The following COLQ variants were observed in gnomAD, a reference collection of about 807,000 sequenced individuals.
COLQ encodes collagen like tail subunit of asymmetric acetylcholinesterase, also known as acetylcholinesterase collagenic tail peptide.
Under a neutral mutation model 69.0 loss-of-function variants are expected in COLQ, and 48 were observed. The observed-to-expected ratio is 0.70, with a 90% CI of 0.55 to 0.88. The LOEUF (loss-of-function observed/expected upper bound fraction) is 0.88, where lower values mean the gene tolerates loss of function less well. Among genes scored for constraint, COLQ ranks in the 40% least tolerant of loss-of-function variants. COLQ has a pLI of 0.00. For missense variants in COLQ, 618 were observed against 594.6 expected (o/e 1.04, Z -0.41); for synonymous variants, 217 against 211.2 (o/e 1.03, Z -0.24).
chr3:15,466,743 C>G (rs1183791741), intron 11 of COLQ, among the ~76,000 whole-genome samples: 1 of 152,226 alleles, frequency 6.6e-6, no homozygotes, highest in Non-Finnish European at 1.5e-5. Flanking sequence ...TAGAAATGAG[C>G]TATTTTCACT....
At chr3:15,478,537 C>A in intron 5 of COLQ, 1 of 252,626 alleles carries the variant, frequency 4.0e-6, no homozygotes, top group South Asian at 5.1e-5. Flanking sequence ...CCTTAAGTAA[C>A]CTCCATTTAT....
chr3:15,453,889 C>T lies in COLQ; in HGVS notation c.1238G>A (p.Gly413Asp), dbSNP rs2061986907. ...GTCAGAGCCGTCACAGTCCTCCACA[C>T]CCTCATGCCGGTGACCATCTCCACA... is the stretch of plus-strand genomic sequence containing the variant. ...AYCGDGHRHE[G>D]VEDCDGSDFG... is the part of the protein sequence containing the mutation. Residue 413 changes from glycine (G) to aspartate (D), a missense_variant, in exon 16 of 17, where the codon GGT (glycine) becomes GAT (aspartate). Coordinates refer to ENST00000383788, the MANE Select transcript of COLQ (RefSeq NM_005677.4). 6.2e-7 allele frequency: 1 copy of T among 1,612,090 alleles called. No individual in the cohort carries two copies. The highest frequency in any genetic ancestry group is 1.3e-5 in the African/African-American group (1 of 74,988).
intron 3 of COLQ, among the ~76,000 whole-genome samples, chr3:15,487,304 AC>A (rs2062590467): frequency 6.6e-6 from 1 of 152,210 alleles, no homozygotes; most frequent in East Asian, 1.9e-4. Flanking sequence ...AGCAGGAACC[AC>A]AAGTGCAAAG....
intron 1 of COLQ, among the ~76,000 whole-genome samples, chr3:15,492,235 G>A (rs979931676): frequency 1.3e-5 from 2 of 152,164 alleles, no homozygotes; most frequent in African/African-American, 4.8e-5. Flanking sequence ...CATGCTACAA[G>A]GAATGTGTCC....
intron 7 of COLQ, 49 bp downstream of exon 7, chr3:15,475,376 C>A (rs1409568413): frequency 2.0e-6 from 3 of 1,532,622 alleles, no homozygotes; most frequent in Non-Finnish European, 2.7e-6. Flanking sequence ...AGCAGCTGCT[C>A]CAGAGCCTGA....
In COLQ at chr3:15,473,967, G is replaced by A. The variant is rs899412828; in HGVS notation, c.636+33C>T. The A allele has an allele frequency of 1.2e-6, 2 of 1,611,430 alleles. No homozygotes were observed. The highest frequency in any genetic ancestry group is 1.7e-6 in the Non-Finnish European group (2 of 1,177,780). The stretch of plus-strand genomic sequence containing the variant: ...GCTTGGAGGACCTGATATTTTTATT[G>A]AGGCCTATTTTCACTACCTCAAGGT... On this transcript the variant is annotated intron_variant, in intron 10 of 16. Coordinates refer to ENST00000383788, the MANE Select transcript of COLQ (RefSeq NM_005677.4). This position sits in a 1 kb window ranked among gnomAD's most constrained non-coding sequence, Gnocchi z 4.0.
chr3:15,505,517 T>C (rs554760211), intron 1 of COLQ, among the ~76,000 whole-genome samples: 10 of 152,360 alleles, frequency 6.6e-5, no homozygotes, highest in African/African-American at 2.2e-4. Context: ...AGTTCTAATT[T>C]GACCAAATGG....
intron 11 of COLQ, among the ~76,000 whole-genome samples, chr3:15,469,713 T>C (rs554002652): frequency 6.6e-6 from 1 of 152,258 alleles, no homozygotes; most frequent in Admixed American, 6.5e-5. Context: ...TCAATTATAT[T>C]ATGGTCTTTG....
chr3:15,466,355 C>T lies in COLQ; in HGVS notation c.800G>A (p.Gly267Asp). The change falls in exon 12 of 17, where the codon GGC becomes GAC. Residue 267 changes from glycine to aspartate, a missense_variant. Transcript: ENST00000383788. ...SGQPGRPGPP[G>D]PPPAGQLIMG... ...GTAGCTCTTACCTGCAGGTGGGGGG[C>T]CTGGGGGCCCCGGACGGCCAGGTTG... 3.1e-6 allele frequency: 5 copies of T among 1,613,708 alleles called. No individual in the cohort carries two copies. The highest frequency in any genetic ancestry group is 4.2e-6 in the Non-Finnish European group (5 of 1,179,766).
intron 12 of COLQ, among the ~76,000 whole-genome samples, chr3:15,459,441 T>TA (rs1159025007): frequency 6.6e-6 from 1 of 150,744 alleles, no homozygotes; most frequent in Non-Finnish European, 1.5e-5. Context: ...ATTTATTTAT[T>TA]AAAAAAAATT....
intron 1 of COLQ, among the ~76,000 whole-genome samples, chr3:15,499,650 A>G (rs1158680842): frequency 6.6e-6 from 1 of 152,240 alleles, no homozygotes; most frequent in Non-Finnish European, 1.5e-5. Flanking sequence ...ATGTTCATTC[A>G]TTCATTTACT....
intron 4 of COLQ, 150 bp from the exon 5 acceptor site, chr3:15,479,153 G>A (rs1470372602): frequency 3.6e-5 from 42 of 1,163,958 alleles, no homozygotes; most frequent in Admixed American, 5.2e-5. Flanking sequence ...GATAGGCCAC[G>A]TCAAAATACA....
At chr3:15,483,957 C>T (rs1402582871) in intron 3 of COLQ, among the ~76,000 whole-genome samples, 3 of 152,220 alleles carry the variant, frequency 2.0e-5, no homozygotes, top group Non-Finnish European at 2.9e-5. Flanking sequence ...CATCCCTTTA[C>T]CATTATGTAA....
chr3:15,498,799 G>A, intron 1 of COLQ: 2 of 1,481,850 alleles, frequency 1.3e-6, no homozygotes, highest in Non-Finnish European at 1.8e-6. Context: ...AGGCAGCCCT[G>A]CTCCAGCTGC....
At chr3:15,474,137 T>C in intron 9 of COLQ, 91 bp downstream of exon 9, 1 of 1,594,454 alleles carries the variant, frequency 6.3e-7, no homozygotes, top group Non-Finnish European at 8.6e-7. Flanking sequence ...GGCCTGTCCA[T>C]CAGTCCATCA....
chr3:15,450,718 C>G lies in COLQ; in HGVS notation c.*926G>C, dbSNP rs536136335. The G allele has an allele frequency of 6.6e-6, 1 of 152,434 alleles. No homozygotes were observed. The highest frequency in any genetic ancestry group is 1.9e-4 in the East Asian group (1 of 5,178). 9.4% of individuals were successfully genotyped at this position (152,434 alleles called of 1,614,324 possible). A position where few individuals can be genotyped will look rare whatever the true frequency, so the allele number is the denominator to read the frequency against. On this transcript the variant is annotated 3_prime_UTR_variant, in exon 17 of 17. Transcript: ENST00000383788. ...CAGGAACGCTCTGCCTAGAGAGAGC[C>G]CTCTGCAGCTGGCCCTAGATCGGGG... is the stretch of plus-strand genomic sequence containing the variant.
chr3:15,450,280 A>G lies in COLQ; in HGVS notation c.*1364T>C, dbSNP rs1182449069. 1 of 153,514 alleles carries G rather than the reference A, an allele frequency of 6.5e-6. No homozygotes were observed. The highest frequency in any genetic ancestry group is 6.5e-5 in the Admixed American group (1 of 15,280). The allele number at this position is 153,514 out of a possible 1,614,324, so 9.5% of individuals were successfully genotyped here. On this transcript the variant is annotated 3_prime_UTR_variant, in exon 17 of 17. Coordinates refer to ENST00000383788, the MANE Select transcript of COLQ (RefSeq NM_005677.4). ...CCATGTGCCTGTCTCTAAAGACGCCACCCTCAGGTTGATGTCACCTGTGGG... is the reference window on the plus strand; with the variant it reads ...CCATGTGCCTGTCTCTAAAGACGCCGCCCTCAGGTTGATGTCACCTGTGGG...
chr3:15,498,554 G>C (rs1004582707), intron 1 of COLQ: 2 of 1,551,904 alleles, frequency 1.3e-6, no homozygotes, highest in Non-Finnish European at 1.7e-6. Flanking sequence ...GAAATGATGA[G>C]CAGATGAGCG....
At chr3:15,519,639 C>A (rs2063108874) in intron 1 of COLQ, among the ~76,000 whole-genome samples, 1 of 152,180 alleles carries the variant, frequency 6.6e-6, no homozygotes, top group Non-Finnish European at 1.5e-5. Context: ...TCATTCAGAT[C>A]TTTTCATCTG....
Sources: allele counts gnomAD v4.1 joint callset (sites outside exome capture counted in the v4.1 genomes callset), GRCh38; gene constraint gnomAD v4.1.1; non-coding constraint Gnocchi (gnomAD v3.1); transcripts MANE v1.5; gene names NCBI Gene and HGNC (gene_info 2026-07-23, HGNC 2026-07-21).